The following GALNT17 variants were observed in gnomAD, a reference collection of about 807,000 sequenced individuals.
The protein encoded by GALNT17 is polypeptide N-acetylgalactosaminyltransferase 17, also known as UDP-GalNAc:polypeptide N-acetylgalactosaminyltransferase-like 3.
In GALNT17, 29 loss-of-function variants were observed where a neutral mutation model predicts 63.7. That is an observed-to-expected ratio of 0.46 (90% CI 0.34 to 0.62). The LOEUF (loss-of-function observed/expected upper bound fraction) is 0.62. Among genes scored for constraint, GALNT17 ranks in the 20% least tolerant of loss-of-function variants. GALNT17 has a pLI of 0.01. For missense variants in GALNT17, 603 were observed against 799.6 expected, an observed-to-expected ratio of 0.75 and a Z score of 2.97; for synonymous variants, 305 against 318.3, an observed-to-expected ratio of 0.96 and a Z score of 0.45.
chr7:71,709,269 G>A (rs1465448050), intron 9 of GALNT17, among the ~76,000 whole-genome samples: 1 of 152,110 alleles, frequency 6.6e-6, no homozygotes, highest in East Asian at 1.9e-4. Context: ...GGTGTGAGAT[G>A]GTATCTCATT....
intron 2 of GALNT17, among the ~76,000 whole-genome samples, chr7:71,384,014 A>G (rs563101939): frequency 2.4e-4 from 37 of 152,240 alleles, no homozygotes; most frequent in African/African-American, 8.2e-4. Context: ...CACCCACCAT[A>G]CTATTTTCCA....
At chr7:71,533,893 T>C (rs1788759773) in intron 5 of GALNT17, among the ~76,000 whole-genome samples, 1 of 152,120 alleles carries the variant, frequency 6.6e-6, no homozygotes. Context: ...GAAGAGGAGC[T>C]GGTCAACAGT....
At chr7:71,628,308 T>C (rs973734225) in intron 6 of GALNT17, among the ~76,000 whole-genome samples, 2 of 152,158 alleles carry the variant, frequency 1.3e-5, no homozygotes, top group Non-Finnish European at 2.9e-5. Flanking sequence ...ATTGAATTGC[T>C]AGAAATGCTT....
chr7:71,189,974 C>A (rs1039607699), intron 1 of GALNT17, among the ~76,000 whole-genome samples: 1 of 151,972 alleles, frequency 6.6e-6, no homozygotes, highest in African/African-American at 2.4e-5. Context: ...CCACGCCTGG[C>A]TAATTTTTTT....
chr7:71,578,997 G>T (rs1415867574), intron 6 of GALNT17, among the ~76,000 whole-genome samples: 2 of 152,136 alleles, frequency 1.3e-5, no homozygotes, highest in African/African-American at 4.8e-5. Flanking sequence ...AATGTAATTT[G>T]CATCATGGTC....
At position 71,712,308 on chromosome 7, in the gene GALNT17, C is replaced by T. The variant is rs908855125; in HGVS notation, c.*162C>T. ...AGCACAGGGACCCCGGATGAAGACT[C>T]TGTCCCCCCTCAGGCATTCAGCTGC... On this transcript the variant is annotated 3_prime_UTR_variant, in exon 11 of 11. Transcript: ENST00000333538. 1.2e-6 allele frequency: 1 copy of T among 823,502 alleles called. No individual in the cohort carries two copies. Among genetic ancestry groups the T allele is most frequent in the African/African-American group, 1.7e-5 (1 of 57,600 alleles). The allele number at this position is 823,502 out of a possible 1,614,324, so 51.0% of individuals were successfully genotyped here.
chr7:71,163,069 T>C (rs1199767494), intron 1 of GALNT17, among the ~76,000 whole-genome samples: 1 of 152,220 alleles, frequency 6.6e-6, no homozygotes, highest in Non-Finnish European at 1.5e-5. Flanking sequence ...GGTCAGATCC[T>C]GAATATATTT....
chr7:71,411,551 C>T (rs80328517), intron 3 of GALNT17, among the ~76,000 whole-genome samples: 4,360 of 152,212 alleles, frequency 0.029, 240 homozygotes, highest in African/African-American at 0.1. Flanking sequence ...TGCACCCCAC[C>T]TCTTCTTCGG....
At chr7:71,547,454 C>G (rs1219333000) in intron 5 of GALNT17, among the ~76,000 whole-genome samples, 1 of 151,984 alleles carries the variant, frequency 6.6e-6, no homozygotes, top group African/African-American at 2.4e-5. Flanking sequence ...GCGCCCGGCC[C>G]AGCTAATTTT....
chr7:71,537,393 G>A (rs145601099), intron 5 of GALNT17, among the ~76,000 whole-genome samples: 34 of 152,248 alleles, frequency 2.2e-4, no homozygotes, highest in African/African-American at 7.5e-4. Flanking sequence ...GGAGGGCTTC[G>A]CAGATCTGAT....
chr7:71,279,790 G>T (rs955035176), intron 1 of GALNT17, among the ~76,000 whole-genome samples: 2 of 150,332 alleles, frequency 1.3e-5, no homozygotes, highest in Non-Finnish European at 1.5e-5. Flanking sequence ...GGGCAAACTA[G>T]ATCTGTGAGC....
Position 71,345,080 on chromosome 7 carries a change from T to C in GALNT17, c.422+9347T>C, listed in dbSNP as rs1792066592. On this transcript the variant is annotated intron_variant, in intron 2 of 10. Coordinates refer to ENST00000333538, the MANE Select transcript of GALNT17 (RefSeq NM_022479.3). ...CTCTGTGTTTGTAAGAAGATAACCT[T>C]TGGTGACACCAGAAGCTGGGCAAGG... Among the ~76,000 whole-genome samples, 3 of 152,182 alleles carry C rather than the reference T, an allele frequency of 2.0e-5. No individual in the cohort carries two copies. The South Asian group carries it at 6.2e-4, about 32-fold the overall frequency.
At chr7:71,558,297 T>G (rs1405458692) in intron 5 of GALNT17, among the ~76,000 whole-genome samples, 2 of 152,058 alleles carry the variant, frequency 1.3e-5, no homozygotes, top group Non-Finnish European at 2.9e-5. Context: ...AAATCCAAAA[T>G]GTAACATTAA....
At chr7:71,464,243 A>G (rs1025680865) in intron 5 of GALNT17, among the ~76,000 whole-genome samples, 3 of 152,132 alleles carry the variant, frequency 2.0e-5, no homozygotes, top group Non-Finnish European at 4.4e-5. Flanking sequence ...CAGCAAGGGT[A>G]TGGGGTGTTG....
intron 1 of GALNT17, among the ~76,000 whole-genome samples, chr7:71,187,580 C>T (rs985965705): frequency 1.3e-5 from 2 of 152,082 alleles, no homozygotes; most frequent in African/African-American, 2.4e-5. Context: ...TCCACCTCCC[C>T]CCTCATCCAC....
chr7:71,521,539 C>A (rs999573400), intron 5 of GALNT17, among the ~76,000 whole-genome samples: 1 of 152,214 alleles, frequency 6.6e-6, no homozygotes, highest in Non-Finnish European at 1.5e-5. Flanking sequence ...AATGTGGCAG[C>A]CTTTCTGCCT....
At chr7:71,422,151 C>A (rs546984787) in intron 5 of GALNT17, among the ~76,000 whole-genome samples, 1 of 151,776 alleles carries the variant, frequency 6.6e-6, no homozygotes, top group Non-Finnish European at 1.5e-5. Flanking sequence ...GTCAGGAGGG[C>A]TGGGTCAGGA....
intron 5 of GALNT17, among the ~76,000 whole-genome samples, chr7:71,546,311 C>T (rs1226366995): frequency 1.3e-5 from 2 of 151,982 alleles, no homozygotes; most frequent in Admixed American, 6.6e-5. Context: ...CAGGTGTGCA[C>T]CACCACTCCT....
At chr7:71,417,147 T>C (rs925987502) in intron 4 of GALNT17, among the ~76,000 whole-genome samples, 7 of 152,218 alleles carry the variant, frequency 4.6e-5, no homozygotes, top group Non-Finnish European at 7.3e-5. Flanking sequence ...TTTACACTCA[T>C]TGAGGCCTTC....
Sources: allele counts gnomAD v4.1 joint callset (sites outside exome capture counted in the v4.1 genomes callset), GRCh38; gene constraint gnomAD v4.1.1; transcripts MANE v1.5; gene names NCBI Gene and HGNC (gene_info 2026-07-23, HGNC 2026-07-21).